TMEM40: variants seen among roughly 807,000 people sequenced by gnomAD.
TMEM40 encodes the protein transmembrane protein 40.
In TMEM40, 34 loss-of-function variants were observed where a neutral mutation model predicts 40.8. That is an observed-to-expected ratio of 0.83 (90% confidence interval 0.63 to 1.11). The LOEUF is 1.11. Among genes scored for constraint, TMEM40 ranks in the 50% least tolerant of loss-of-function variants. The pLI, the probability that TMEM40 is intolerant of heterozygous loss-of-function variation, is 0.00. For synonymous variants in TMEM40, 106 were observed against 107.0 expected (o/e 0.99, Z 0.06); for missense variants, 296 against 280.2 (o/e 1.06, Z -0.40).
chr3:12,744,423 A>C (rs866423152), intron 3 of TMEM40, among the ~76,000 whole-genome samples: 32 of 152,270 alleles, frequency 2.1e-4, no homozygotes, highest in African/African-American at 7.5e-4. Flanking sequence ...TGAGAAGCTT[A>C]AGCTGATGTC....
chr3:12,734,874 G>T (rs1475639335), intron 11 of TMEM40, 81 bp from the exon 12 acceptor site: 1 of 1,511,978 alleles, frequency 6.6e-7, no homozygotes. Flanking sequence ...AGATGCCCAA[G>T]TACCCCTCAC....
At chr3:12,761,251 C>T (rs2061566751), upstream of TMEM40, among the ~76,000 whole-genome samples, 1 of 152,168 alleles carries the variant, frequency 6.6e-6, no homozygotes, top group Admixed American at 6.5e-5. Flanking sequence ...CCTCAGCAGC[C>T]AGGCATCCTG....
chr3:12,752,084 C>T (rs1273125109), intron 1 of TMEM40, among the ~76,000 whole-genome samples: 1 of 152,170 alleles, frequency 6.6e-6, no homozygotes, highest in East Asian at 1.9e-4. Context: ...TTACTCCCTC[C>T]ACTATCCCTA....
intron 1 of TMEM40, among the ~76,000 whole-genome samples, chr3:12,768,530 C>G (rs574643594): frequency 6.6e-6 from 1 of 152,214 alleles, no homozygotes; most frequent in East Asian, 1.9e-4. Context: ...CATAAAGATT[C>G]TCCAAGTCCC....
At chr3:12,738,448 G>C (rs772984335) in intron 6 of TMEM40, 105 bp downstream of exon 6, 4 of 1,339,770 alleles carry the variant, frequency 3.0e-6, no homozygotes, top group East Asian at 2.3e-5. Flanking sequence ...CTGTTTCTCA[G>C]AGCCAGGTAT....
At position 12,749,812 on chromosome 3, in the gene TMEM40, G is replaced by A; in HGVS notation, c.21C>T (p.Ser7=). The change falls in exon 2 of 12, where the codon TCC becomes TCT. Residue 7 remains serine (S), a synonymous_variant. Coordinates refer to ENST00000314124, the MANE Select transcript of TMEM40 (RefSeq NM_018306.4). The part of the protein sequence containing the change: METSAS[S]SQPQDNSQVH... The stretch of plus-strand genomic sequence containing the variant: ...CTTGACTGTTGTCCTGAGGCTGGGA[G>A]GAGGATGCTGAAGTCTCCATGGCTT... The A allele has an allele frequency of 6.2e-7, 1 of 1,614,076 alleles. No homozygotes were observed. The highest frequency in any genetic ancestry group is 8.5e-7 in the Non-Finnish European group (1 of 1,180,024).
At chr3:12,754,128 C>T (rs57205460) in intron 1 of TMEM40, among the ~76,000 whole-genome samples, 22,486 of 152,136 alleles carry the variant, frequency 0.15, 1,673 homozygotes, top group East Asian at 0.21. Context: ...CTGGCTAACA[C>T]GGTGAAACCC....
Position 12,742,496 on chromosome 3 carries a change from C to G in TMEM40, c.313G>C (p.Gly105Arg). 1.2e-6 allele frequency: 2 copies of G among 1,614,024 alleles called. No homozygotes were observed. Among genetic ancestry groups the G allele is most frequent in the Non-Finnish European group, 1.7e-6 (2 of 1,179,938 alleles). The change falls in exon 5 of 12, where the codon GGG becomes CGG. Residue 105 changes from glycine to arginine, a missense_variant. Physicochemically the swap from Gly to Arg is moderately radical, Grantham distance 125. Coordinates refer to ENST00000314124, the MANE Select transcript of TMEM40 (RefSeq NM_018306.4). ...HGNGSPGPGH[G>R]EPDVLKDELQ... ...TCATCCTTCAAAACGTCAGGCTCCC[C>G]ATGCCCAGGACCTGGATGGAGACAA...
chr3:12,755,233 C>CTCTCTCTCTCTCTT (rs1553634013), intron 1 of TMEM40, among the ~76,000 whole-genome samples: 8 of 59,960 alleles, frequency 1.3e-4, no homozygotes, highest in Admixed American at 1.9e-4. Context: ...CTCTCTCTCT[C>CTCTCTCTCTCTCTT]TCTTTCTTTC....
chr3:12,762,528 C>G (rs1295259874), upstream of TMEM40, among the ~76,000 whole-genome samples: 1 of 152,104 alleles, frequency 6.6e-6, no homozygotes, highest in Admixed American at 6.5e-5. Context: ...GGAGAGCCTA[C>G]AGAGTGAGTG....
intron 5 of TMEM40, among the ~76,000 whole-genome samples, chr3:12,741,663 A>G (rs1353942243): frequency 6.6e-6 from 1 of 152,172 alleles, no homozygotes; most frequent in East Asian, 1.9e-4. Flanking sequence ...TAAAATACAC[A>G]TAAACATAAA....
At chr3:12,767,853 G>A (rs975982723) in intron 1 of TMEM40, among the ~76,000 whole-genome samples, 2 of 152,132 alleles carry the variant, frequency 1.3e-5, no homozygotes, top group African/African-American at 4.8e-5. Flanking sequence ...TTTTAGGGAG[G>A]AATATGGTGC....
At position 12,738,211 on chromosome 3, in the gene TMEM40, G is replaced by T. The variant is rs113129041; in HGVS notation, c.392-43C>A. The T allele has an allele frequency of 7.7e-5, 124 of 1,611,450 alleles. No individual in the cohort carries two copies. The African/African-American group carries it at 1.5e-3, about 20-fold the overall frequency. ...AACATTAGTGCCCAACCCCGCTTGG[G>T]GTCCTTAACAGGTGCCTCCACCCTG... On this transcript the variant is annotated intron_variant, in intron 6 of 11. Transcript: ENST00000314124.
intron 1 of TMEM40, among the ~76,000 whole-genome samples, chr3:12,752,160 C>A (rs1408366686): frequency 2.0e-5 from 3 of 152,164 alleles, no homozygotes; most frequent in Non-Finnish European, 4.4e-5. Flanking sequence ...GCAATCACAG[C>A]TCACTGCAGC....
chr3:12,745,819 G>C (rs1461815222), intron 3 of TMEM40, among the ~76,000 whole-genome samples: 1 of 151,956 alleles, frequency 6.6e-6, no homozygotes, highest in Non-Finnish European at 1.5e-5. Flanking sequence ...TTTTGTATAT[G>C]CTCTCTGATT....
At chr3:12,762,093 G>T (rs1392907751), upstream of TMEM40, among the ~76,000 whole-genome samples, 2 of 152,000 alleles carry the variant, frequency 1.3e-5, no homozygotes, top group African/African-American at 4.8e-5. Context: ...CTCCCCAGTA[G>T]CTGGGACTAC....
rs189997835 is a variant in TMEM40 at position 12,751,910 on chromosome 3, T to C, written c.-8-2070A>G. ...TTTTCCAGTCTCATCTCCATCCTGCTCTGTGTCCTGGTCACACACAGCACT... is the reference window on the plus strand; with the variant it reads ...TTTTCCAGTCTCATCTCCATCCTGCCCTGTGTCCTGGTCACACACAGCACT... On this transcript the variant is annotated intron_variant, in intron 1 of 11. Transcript: ENST00000314124. 4.2e-3 allele frequency among the ~76,000 whole-genome samples: 637 copies of C among 152,324 alleles called. 4 individuals carry two copies. The highest frequency in any genetic ancestry group is 0.013 in the African/African-American group (556 of 41,572).
intron 1 of TMEM40, among the ~76,000 whole-genome samples, chr3:12,767,664 C>A (rs1482064396): frequency 1.3e-5 from 2 of 152,190 alleles, no homozygotes; most frequent in African/African-American, 4.8e-5. Context: ...CCTCTGAACT[C>A]CACTGCTCTG....
upstream of TMEM40, among the ~76,000 whole-genome samples, chr3:12,762,660 G>A (rs1356572643): frequency 6.6e-6 from 1 of 152,104 alleles, no homozygotes; most frequent in Non-Finnish European, 1.5e-5. Context: ...AGAAAATTAA[G>A]GACCACCACT....
Sources: gnomAD v4.1 joint callset for allele counts (sites outside exome capture counted in the v4.1 genomes callset) on GRCh38, gnomAD v4.1.1 for gene constraint, MANE v1.5 for transcripts, NCBI Gene and HGNC (gene_info 2026-07-23, HGNC 2026-07-21) for gene names.